Variants in ESRRB observed in about 807,000 individuals in gnomAD.
The protein encoded by ESRRB is estrogen related receptor beta.
A neutral mutation model predicts 46.0 loss-of-function variants in ESRRB; 16 were observed. The ratio of observed to expected loss-of-function variants is 0.35; its 90% CI spans 0.24 to 0.53. The LOEUF (loss-of-function observed/expected upper bound fraction) is 0.53. ESRRB is among the 20% of genes least tolerant of loss of function. The pLI is 0.93. For missense variants in ESRRB, 488 were observed against 607.4 expected, an observed-to-expected ratio of 0.80 and a Z score of 2.07; for synonymous variants, 246 against 259.6, an observed-to-expected ratio of 0.95 and a Z score of 0.50.
At chr14:76,371,169 C>T (rs181160276), upstream of ESRRB, among the ~76,000 whole-genome samples, 12 of 152,326 alleles carry the variant, frequency 7.9e-5, no homozygotes, top group East Asian at 2.3e-3. Context: ...CATGTTTCCG[C>T]AGCATTTATC....
intron 1 of ESRRB, among the ~76,000 whole-genome samples, chr14:76,417,564 A>T (rs1886759334): frequency 6.6e-6 from 1 of 152,204 alleles, no homozygotes; most frequent in Admixed American, 6.5e-5. Flanking sequence ...GTGTGCGTGC[A>T]TATGTGTGTG....
At chr14:76,432,319 T>C (rs1452311838) in intron 1 of ESRRB, among the ~76,000 whole-genome samples, 1 of 152,260 alleles carries the variant, frequency 6.6e-6, no homozygotes, top group African/African-American at 2.4e-5. Context: ...GTGCCGAGGA[T>C]GGAAGCCTAG....
chr14:76,482,416 C>T lies in ESRRB; in HGVS notation c.689-182C>T, dbSNP rs914063746. 2.0e-5 allele frequency among the ~76,000 whole-genome samples: 3 copies of T among 152,124 alleles called. No homozygotes were observed. Among genetic ancestry groups the T allele is most frequent in the Non-Finnish European group, 4.4e-5 (3 of 68,018 alleles). On this transcript the variant is annotated intron_variant, in intron 4 of 6. Transcript: ENST00000644823. This position sits in a 1 kb window ranked among gnomAD's most constrained non-coding sequence, Gnocchi z 4.3. ...CAACTTCCCTTGGAGGGATATTTCTCAACAGCCCAGATCACCACTACCAGC... is the reference window on the plus strand; with the variant it reads ...CAACTTCCCTTGGAGGGATATTTCTTAACAGCCCAGATCACCACTACCAGC...
chr14:76,332,629 ATT>A (rs1249937122), intron 1 of ESRRB, among the ~76,000 whole-genome samples: 3 of 42,078 alleles, frequency 7.1e-5, no homozygotes, highest in African/African-American at 1.2e-4. Flanking sequence ...ATAAATATAT[ATT>A]ATATATATTT....
chr14:76,346,372 C>T (rs536797671), intron 1 of ESRRB, among the ~76,000 whole-genome samples: 3 of 152,226 alleles, frequency 2.0e-5, no homozygotes, highest in Non-Finnish European at 4.4e-5. Context: ...CCAGCCTTCT[C>T]TAAATCCCCA....
intron 1 of ESRRB, among the ~76,000 whole-genome samples, chr14:76,340,059 C>G (rs1884174107): frequency 2.0e-5 from 3 of 152,062 alleles, no homozygotes; most frequent in Admixed American, 1.3e-4. Flanking sequence ...CATGCCACAT[C>G]TCTAATTACT....
At chr14:76,370,665 A>G (rs766509084), upstream of ESRRB, among the ~76,000 whole-genome samples, 1 of 150,974 alleles carries the variant, frequency 6.6e-6, no homozygotes, top group African/African-American at 2.4e-5. Flanking sequence ...TGCTTCTCCT[A>G]CTCCTCTTTT....
upstream of ESRRB, among the ~76,000 whole-genome samples, chr14:76,368,054 G>A (rs1202572269): frequency 6.8e-6 from 1 of 146,196 alleles, no homozygotes; most frequent in Admixed American, 7.0e-5. Flanking sequence ...CTGGGTTCAA[G>A]TGATTCTCCT....
chr14:76,338,002 G>A (rs1049456945), intron 1 of ESRRB, among the ~76,000 whole-genome samples: 2 of 152,214 alleles, frequency 1.3e-5, no homozygotes, highest in South Asian at 4.1e-4. Context: ...TTTTATTCCC[G>A]AGCTGCCTCG....
chr14:76,485,341 G>A (rs1889966197), intron 5 of ESRRB, among the ~76,000 whole-genome samples: 2 of 149,042 alleles, frequency 1.3e-5, no homozygotes, highest in African/African-American at 2.5e-5. Context: ...AGGTTCAAGC[G>A]ATTCTCTTGC....
intron 1 of ESRRB, among the ~76,000 whole-genome samples, chr14:76,425,697 T>A (rs1887167959): frequency 1.3e-5 from 2 of 152,144 alleles, no homozygotes; most frequent in African/African-American, 4.8e-5. Flanking sequence ...CCACGCTGTG[T>A]CCTCCCTGCT....
At chr14:76,476,631 G>T (rs1168055825) in intron 3 of ESRRB, among the ~76,000 whole-genome samples, 1 of 152,228 alleles carries the variant, frequency 6.6e-6, no homozygotes. Context: ...GAACCTGATA[G>T]CTAGCAGCGT....
At chr14:76,452,627 A>C (rs1888433461) in intron 2 of ESRRB, among the ~76,000 whole-genome samples, 1 of 56,950 alleles carries the variant, frequency 1.8e-5, no homozygotes, top group East Asian at 6.4e-4. Flanking sequence ...CTCCAAAAAA[A>C]AAAACAAAAC....
intron 1 of ESRRB, among the ~76,000 whole-genome samples, chr14:76,423,412 G>A (rs1887058497): frequency 6.6e-6 from 1 of 152,168 alleles, no homozygotes. Flanking sequence ...CCAAATTGCT[G>A]AGATTACAGG....
intron 1 of ESRRB, among the ~76,000 whole-genome samples, chr14:76,383,556 T>C (rs867032481): frequency 2.0e-5 from 3 of 152,324 alleles, no homozygotes; most frequent in Middle Eastern, 6.8e-3. Context: ...CAATTTAGCA[T>C]TTTCCTTTGT....
rs768250131 is a variant in ESRRB, at chr14:76,499,863, G to C, written c.*1405G>C. On this transcript the variant is annotated 3_prime_UTR_variant, in exon 7 of 7. Coordinates refer to ENST00000644823, the MANE Select transcript of ESRRB (RefSeq NM_001379180.1). ...CCTGAACACCCATTTGTGCTCACAG[G>C]TTGGCCAAGAGCAGCTTAGAGGATC... The C allele has an allele frequency of 1.9e-6, 3 of 1,613,964 alleles. No individual in the cohort carries two copies. The East Asian group carries it at 6.7e-5, about 36-fold the overall frequency.
At chr14:76,332,569 AT>A (rs55678834) in intron 1 of ESRRB, among the ~76,000 whole-genome samples, 18,784 of 54,018 alleles carry the variant, frequency 0.35, 3,781 homozygotes, top group Middle Eastern at 0.51. Context: ...ATATTTATAT[AT>A]TTATATATTA....
At chr14:76,327,521 C>T (rs1883949688) in intron 1 of ESRRB, among the ~76,000 whole-genome samples, 1 of 150,870 alleles carries the variant, frequency 6.6e-6, no homozygotes, top group African/African-American at 2.5e-5. Context: ...GATGATGAGC[C>T]AGGCACTGCG....
chr14:76,350,181 C>G (rs1270364433), intron 1 of ESRRB, among the ~76,000 whole-genome samples: 1 of 152,170 alleles, frequency 6.6e-6, no homozygotes, highest in Admixed American at 6.5e-5. Context: ...TGAATCTCTG[C>G]TCCTCTCCCT....
Sources: allele counts gnomAD v4.1 joint callset (sites outside exome capture counted in the v4.1 genomes callset), GRCh38; gene constraint gnomAD v4.1.1; non-coding constraint Gnocchi (gnomAD v3.1); transcripts MANE v1.5; gene names NCBI Gene and HGNC (gene_info 2026-07-23, HGNC 2026-07-21).